Variants in KIRREL1 observed in about 807,000 individuals in gnomAD.
KIRREL1 encodes kin of IRRE-like protein 1.
KIRREL1 carries 25 observed loss-of-function variants against 83.3 expected under a neutral mutation model. That is an observed-to-expected ratio of 0.30 (90% CI 0.22 to 0.42). The LOEUF (loss-of-function observed/expected upper bound fraction) is 0.42. Among genes scored for constraint, KIRREL1 ranks in the 10% least tolerant of loss-of-function variants. The probability of loss-of-function intolerance (pLI) is 1.00; values close to 1 mark genes in which losing one functional copy is unlikely to be tolerated. For missense variants in KIRREL1, 812 were observed against 1,032.3 expected (o/e 0.79, Z 2.92); for synonymous variants, 388 against 410.4 (o/e 0.95, Z 0.66).
chr1:158,030,236 T>A (rs926836814), intron 1 of KIRREL1, among the ~76,000 whole-genome samples: 2 of 152,242 alleles, frequency 1.3e-5, no homozygotes, highest in Non-Finnish European at 2.9e-5. Context: ...CCCAGGCTGC[T>A]GAATTTTGTG....
intron 1 of KIRREL1, among the ~76,000 whole-genome samples, chr1:158,010,396 T>TACACACACACAC (rs56077512): frequency 0.014 from 612 of 44,580 alleles, 58 homozygotes; most frequent in Admixed American, 0.019. Context: ...CACACATGCA[T>TACACACACACAC]ACACACACAC....
intron 1 of KIRREL1, among the ~76,000 whole-genome samples, chr1:158,037,605 C>T (rs1331649935): frequency 1.3e-5 from 2 of 151,562 alleles, no homozygotes; most frequent in South Asian, 2.1e-4. Context: ...GGCTTATATA[C>T]GTGTTCAATA....
At chr1:158,012,097 C>T (rs1659705580) in intron 1 of KIRREL1, among the ~76,000 whole-genome samples, 1 of 152,096 alleles carries the variant, frequency 6.6e-6, no homozygotes, top group Non-Finnish European at 1.5e-5. Flanking sequence ...CTTCCCTTCC[C>T]CAATAAGATT....
chr1:158,018,903 A>G lies in KIRREL1; in HGVS notation c.52+25175A>G, dbSNP rs548419764. Among the ~76,000 whole-genome samples, 276 of 152,332 alleles carry G rather than the reference A, an allele frequency of 1.8e-3. 3 individuals carry two copies. The highest frequency in any genetic ancestry group is 6.8e-3 in the Middle Eastern group (2 of 294). On this transcript the variant is annotated intron_variant, in intron 1 of 14. Transcript: ENST00000359209. ...ATTTTATTATTAGCCTGAACAAAAC[A>G]TAATTAGGAGGAGAAATTTGCTTCT...
chr1:158,095,159 G>A lies in KIRREL1; in HGVS notation c.*39G>A, dbSNP rs1327844935. The A allele has an allele frequency of 1.4e-6, 2 of 1,404,438 alleles. No homozygotes were observed. The highest frequency in any genetic ancestry group is 2.0e-6 in the Non-Finnish European group (2 of 1,023,778). The allele number at this position is 1,404,438 out of a possible 1,614,324, so 87.0% of individuals were successfully genotyped here. A position where few individuals can be genotyped will look rare whatever the true frequency, so the allele number is the denominator to read the frequency against. On this transcript the variant is annotated 3_prime_UTR_variant, in exon 15 of 15. Transcript: ENST00000359209. ...GCTGGGGCATCTCTGCGGGGCAGAG[G>A]AGAAGGCTTTCACAGCTGTTCCCTG...
At chr1:158,002,509 G>T (rs879302414) in intron 1 of KIRREL1, among the ~76,000 whole-genome samples, 3 of 152,180 alleles carry the variant, frequency 2.0e-5, no homozygotes, top group Admixed American at 6.5e-5. Flanking sequence ...GGTCCCACCA[G>T]GGGGGGTGAG....
chr1:158,029,366 T>TGTGTGTGTGTGTGTGTGTGTGC (rs1553238087), intron 1 of KIRREL1, among the ~76,000 whole-genome samples: 54 of 149,022 alleles, frequency 3.6e-4, no homozygotes, highest in Middle Eastern at 6.9e-3. Flanking sequence ...TGTGTGTGTG[T>TGTGTGTGTGTGTGTGTGTGTGC]GCACGTGCGC....
chr1:158,086,771 T>G, intron 5 of KIRREL1, 25 bp downstream of exon 5: 1 of 1,361,734 alleles, frequency 7.3e-7, no homozygotes, highest in Non-Finnish European at 1.0e-6. Context: ...GGGAGCAGTC[T>G]GGAGCAGGGG....
intron 2 of KIRREL1, among the ~76,000 whole-genome samples, chr1:158,077,229 A>T (rs1661705242): frequency 6.6e-6 from 1 of 152,218 alleles, no homozygotes; most frequent in Non-Finnish European, 1.5e-5. Flanking sequence ...TCGTCTGTGT[A>T]GAGCAATCCA....
At chr1:158,031,211 G>A (rs984969731) in intron 1 of KIRREL1, 1 of 152,212 alleles carries the variant, frequency 6.6e-6, no homozygotes, top group Non-Finnish European at 1.5e-5. Context: ...GGGAATTGAA[G>A]GCTGTAATGG....
intron 3 of KIRREL1, among the ~76,000 whole-genome samples, chr1:158,083,891 T>C (rs1325320422): frequency 6.6e-6 from 1 of 152,096 alleles, no homozygotes; most frequent in African/African-American, 2.4e-5. Flanking sequence ...TTTGGGAGGC[T>C]GAGGCAGGTG....
intron 1 of KIRREL1, among the ~76,000 whole-genome samples, chr1:158,072,233 A>T (rs990114955): frequency 2.6e-5 from 4 of 151,810 alleles, no homozygotes; most frequent in Non-Finnish European, 5.9e-5. Context: ...ACCTCGGTGG[A>T]AGTCTGTGAG....
intron 1 of KIRREL1, among the ~76,000 whole-genome samples, chr1:158,006,383 C>A (rs1353779471): frequency 1.3e-5 from 2 of 152,220 alleles, no homozygotes; most frequent in East Asian, 1.9e-4. Context: ...GGTATTGTAA[C>A]TGAACACGTC....
chr1:158,059,229 A>G (rs1661146972), intron 1 of KIRREL1, among the ~76,000 whole-genome samples: 1 of 152,158 alleles, frequency 6.6e-6, no homozygotes, highest in South Asian at 2.1e-4. Context: ...TCTCTGCAGG[A>G]ACGTGCCTCT....
chr1:158,058,880 G>C lies in KIRREL1; in HGVS notation c.53-17233G>C, dbSNP rs528465809. On this transcript the variant is annotated intron_variant, in intron 1 of 14. Coordinates refer to ENST00000359209, the MANE Select transcript of KIRREL1 (RefSeq NM_018240.7). ...TGATAATCAGATTTGGCTGCGGCAA[G>C]AACAGAACATAATACTGAGCTCCTC... Among the ~76,000 whole-genome samples the C allele has an allele frequency of 7.3e-4, 111 of 152,272 alleles. 1 individual carries two copies. The highest frequency in any genetic ancestry group is 2.6e-3 in the African/African-American group (109 of 41,556).
intron 1 of KIRREL1, among the ~76,000 whole-genome samples, chr1:158,000,347 T>C (rs568518137): frequency 6.6e-6 from 1 of 152,344 alleles, no homozygotes; most frequent in East Asian, 1.9e-4. Context: ...CTTCCAGCCA[T>C]AGCAGCCCTC....
chr1:157,993,885 G>T (rs1366420259), intron 1 of KIRREL1, among the ~76,000 whole-genome samples, 157 bp downstream of exon 1: 4 of 152,198 alleles, frequency 2.6e-5, no homozygotes, highest in Admixed American at 6.5e-5. Flanking sequence ...CAGAGCCCTG[G>T]GGGAGGGGGC....
In KIRREL1 at chr1:158,076,205, G is replaced by C. The variant is rs1661677138; in HGVS notation, c.145G>C (p.Gly49Arg). 1 of 1,614,190 alleles carries C rather than the reference G, an allele frequency of 6.2e-7. No homozygotes were observed. Among genetic ancestry groups the C allele is most frequent in the Non-Finnish European group, 8.5e-7 (1 of 1,180,022 alleles). Residue 49 changes from glycine (G) to arginine (R), a missense_variant, in exon 2 of 15, where the codon GGA (glycine) becomes CGA (arginine). By Grantham distance (125) the Gly-to-Arg change is moderately radical (BLOSUM62 -2). This residue lies in a region of KIRREL1 where 472 missense variants were observed against 626.8 expected (regional missense o/e 0.75). Coordinates refer to ENST00000359209, the MANE Select transcript of KIRREL1 (RefSeq NM_018240.7). Reference protein sequence around the residue: ...VLPCVLLNYSGIVQWTKDGLA... With the variant: ...VLPCVLLNYSRIVQWTKDGLA... ...CCCCTGTGTGCTGCTCAACTACTCTGGAATTGTGCAATGGACCAAGGACGG... is the reference window on the plus strand; with the variant it reads ...CCCCTGTGTGCTGCTCAACTACTCTCGAATTGTGCAATGGACCAAGGACGG...
Position 158,093,642 on chromosome 1 carries a change from G to A in KIRREL1, c.1599G>A (p.Leu533=). 7 of 1,614,204 alleles carry A rather than the reference G, an allele frequency of 4.3e-6. No homozygotes were observed. Among genetic ancestry groups the A allele is most frequent in the Non-Finnish European group, 5.9e-6 (7 of 1,180,036 alleles). ...RRKGSRKDVT[L]RKLDIKVETV... ...TCCCAGGTCGCAAAGACGTGACCCT[G>A]AGGAAGCTGGATATCAAGGTGGAGA... Residue 533 remains leucine (L), a synonymous_variant, in exon 13 of 15, where the codon CTG becomes CTA. Transcript: ENST00000359209.
Sources: allele counts gnomAD v4.1 joint callset (sites outside exome capture counted in the v4.1 genomes callset), GRCh38; gene constraint gnomAD v4.1.1; regional missense constraint gnomAD v4.1.1; transcripts MANE v1.5; gene names NCBI Gene and HGNC (gene_info 2026-07-23, HGNC 2026-07-21).